STAT4: variants seen among roughly 807,000 people sequenced by gnomAD.
STAT4 encodes signal transducer and activator of transcription 4.
STAT4 carries 42 observed loss-of-function variants against 110.5 expected under a neutral mutation model. The observed-to-expected ratio is 0.38, with a 90% CI of 0.30 to 0.49. The LOEUF is 0.49. STAT4 is among the 20% of genes least tolerant of loss of function. The probability of loss-of-function intolerance (pLI) is 0.95; values close to 1 mark genes in which losing one functional copy is unlikely to be tolerated. For missense variants in STAT4, 632 were observed against 887.9 expected (o/e 0.71, Z 3.66); for synonymous variants, 284 against 302.2 (o/e 0.94, Z 0.63).
In STAT4 at chr2:191,113,440, T is replaced by C. The variant is rs1023627792; in HGVS notation, c.273+33173A>G. 1.3e-5 allele frequency among the ~76,000 whole-genome samples: 2 copies of C among 152,170 alleles called. No individual in the cohort carries two copies. The highest frequency in any genetic ancestry group is 4.8e-5 in the African/African-American group (2 of 41,436). Reference sequence around the variant, plus strand: ...AAAGCACTTTTTCAAATTTATTGGATTGAAGAGAAGGAAAAGTGCTGAATT... The same window carrying C: ...AAAGCACTTTTTCAAATTTATTGGACTGAAGAGAAGGAAAAGTGCTGAATT... On this transcript the variant is annotated intron_variant, in intron 3 of 23. Transcript: ENST00000392320. This position sits in a 1 kb window ranked among gnomAD's most constrained non-coding sequence, Gnocchi z 4.8.
At chr2:191,070,197 C>T (rs113347444) in intron 5 of STAT4, among the ~76,000 whole-genome samples, 79 of 152,180 alleles carry the variant, frequency 5.2e-4, no homozygotes, top group African/African-American at 1.8e-3. Context: ...TATGACAATT[C>T]AGCTTAAATA....
rs1699564353 is a variant in STAT4 at position 191,150,429 on chromosome 2, G to C, written c.-2+518C>G. Among the ~76,000 whole-genome samples the C allele has an allele frequency of 6.6e-6, 1 of 152,160 alleles. No individual in the cohort carries two copies. Among genetic ancestry groups the C allele is most frequent in the African/African-American group, 2.4e-5 (1 of 41,420 alleles). On this transcript the variant is annotated intron_variant, in intron 1 of 23. Transcript: ENST00000392320. The surrounding 1 kb of genome is among the most constrained non-coding windows in gnomAD (Gnocchi z 6.4). Reference sequence around the variant, plus strand: ...TTTCCTAGAAGATCCCACTAAAGGGGCATTTTGTCCCACCGTCTGTGAGCT... The same window carrying C: ...TTTCCTAGAAGATCCCACTAAAGGGCCATTTTGTCCCACCGTCTGTGAGCT...
At chr2:191,136,318 G>A (rs1173811822) in intron 3 of STAT4, among the ~76,000 whole-genome samples, 1 of 152,212 alleles carries the variant, frequency 6.6e-6, no homozygotes, top group Non-Finnish European at 1.5e-5. Flanking sequence ...TCTTTTCTCT[G>A]AGAGCTCTGA....
At chr2:191,115,930 T>C (rs1040570337) in intron 3 of STAT4, among the ~76,000 whole-genome samples, 7 of 152,204 alleles carry the variant, frequency 4.6e-5, no homozygotes, top group Non-Finnish European at 8.8e-5. Flanking sequence ...ACTATTCAAG[T>C]AGGGCTACTT....
chr2:191,095,275 T>G, intron 3 of STAT4, among the ~76,000 whole-genome samples: 1 of 152,326 alleles, frequency 6.6e-6, no homozygotes, highest in East Asian at 1.9e-4. Flanking sequence ...AACAGACATC[T>G]ACAGAACTCT....
chr2:191,052,005 G>A (rs1696538956), intron 14 of STAT4, among the ~76,000 whole-genome samples: 1 of 152,214 alleles, frequency 6.6e-6, no homozygotes, highest in Non-Finnish European at 1.5e-5. Flanking sequence ...GATTGTTGAA[G>A]ACATTCTTAG....
intron 3 of STAT4, among the ~76,000 whole-genome samples, chr2:191,131,339 G>A (rs1327249194): frequency 1.3e-5 from 2 of 151,772 alleles, no homozygotes; most frequent in East Asian, 3.8e-4. Flanking sequence ...ACAGTAGAAT[G>A]AATAAATTGT....
rs2125193220 is a variant in STAT4, at chr2:191,050,387, G to C, written c.1251+4103C>G. ...TCTTCCCAGGAGAGAATAGAGTGGA[G>C]AGAAAGGCAGTGATTGCTAAAGTTG... On this transcript the variant is annotated intron_variant, in intron 14 of 23. Coordinates refer to ENST00000392320, the MANE Select transcript of STAT4 (RefSeq NM_003151.4). This position sits in a 1 kb window ranked among gnomAD's most constrained non-coding sequence, Gnocchi z 4.3. Among the ~76,000 whole-genome samples, 1 of 152,308 alleles carries C rather than the reference G, an allele frequency of 6.6e-6. No homozygotes were observed. The highest frequency in any genetic ancestry group is 2.1e-4 in the South Asian group (1 of 4,826).
In STAT4 at chr2:191,086,822, AT is replaced by A. The variant is rs1697647931; in HGVS notation, c.274-10498del. The stretch of plus-strand genomic sequence containing the variant: ...AAGCTTCTCAAACTGAAGCTAGGCA[AT>A]TTAAACCTCAGGAGAAAATAACAGC... On this transcript the variant is annotated intron_variant, in intron 3 of 23. Transcript: ENST00000392320. The surrounding 1 kb of genome is among the most constrained non-coding windows in gnomAD (Gnocchi z 5.5). 6.6e-6 allele frequency among the ~76,000 whole-genome samples: 1 copy of A among 152,150 alleles called. No individual in the cohort carries two copies. Among genetic ancestry groups the A allele is most frequent in the Non-Finnish European group, 1.5e-5 (1 of 68,012 alleles).
Position 191,033,091 on chromosome 2 carries a change from T to C in STAT4, c.1911A>G (p.Pro637=). 1.2e-6 allele frequency: 2 copies of C among 1,614,222 alleles called. No individual in the cohort carries two copies. The highest frequency in any genetic ancestry group is 1.7e-6 in the Non-Finnish European group (2 of 1,180,042). ...PYNKGRLSAL[P]FADILRDYKV... is the part of the protein sequence containing the mutation. ...TGTAGTCTCGCAGGATGTCAGCGAA[T>C]GGCAGAGCAGACAACCGGCCTTTAT... The change falls in exon 21 of 24, where the codon CCA becomes CCG. Residue 637 remains proline (P), a synonymous_variant. Coordinates refer to ENST00000392320, the MANE Select transcript of STAT4 (RefSeq NM_003151.4). This position sits in a 1 kb window ranked among gnomAD's most constrained non-coding sequence, Gnocchi z 6.9.
At position 191,144,140 on chromosome 2, in the gene STAT4, A is replaced by AG. The variant is rs202240985; in HGVS notation, c.273+2472dup. On this transcript the variant is annotated intron_variant, in intron 3 of 23. Coordinates refer to ENST00000392320, the MANE Select transcript of STAT4 (RefSeq NM_003151.4). This position sits in a 1 kb window ranked among gnomAD's most constrained non-coding sequence, Gnocchi z 4.7. Reference sequence around the variant, plus strand: ...CCATATTGAGTACTGAGGGTGAGGGAGGGGGGTCAGAAAAGGAGATCAGCC... The same window carrying AG: ...CCATATTGAGTACTGAGGGTGAGGGAGGGGGGGTCAGAAAAGGAGATCAGCC... Among the ~76,000 whole-genome samples, 6 of 151,978 alleles carry AG rather than the reference A, an allele frequency of 3.9e-5. No homozygotes were observed. The highest frequency in any genetic ancestry group is 1.9e-4 in the East Asian group (1 of 5,172).
In STAT4 at chr2:191,033,387, A is replaced by G; in HGVS notation, c.1852+103T>C. 2 of 1,378,426 alleles carry G rather than the reference A, an allele frequency of 1.5e-6. No homozygotes were observed. Among genetic ancestry groups the G allele is most frequent in the South Asian group, 2.9e-5 (2 of 69,490 alleles). The allele number at this position is 1,378,426 out of a possible 1,614,324, so 85.4% of individuals were successfully genotyped here. On this transcript the variant is annotated intron_variant, in intron 20 of 23. Transcript: ENST00000392320. This position sits in a 1 kb window ranked among gnomAD's most constrained non-coding sequence, Gnocchi z 6.9. ...ACTAATATTCAAGCCCACTGAATAC[A>G]TCACAGACAGATCAACACACCATAC...
chr2:191,109,787 T>C (rs1698377072), intron 3 of STAT4, among the ~76,000 whole-genome samples: 1 of 152,208 alleles, frequency 6.6e-6, no homozygotes, highest in Admixed American at 6.5e-5. Context: ...GTTGGTTTTA[T>C]GTGATCATTT....
intron 3 of STAT4, among the ~76,000 whole-genome samples, chr2:191,078,457 A>T (rs1697373264): frequency 6.6e-6 from 1 of 152,072 alleles, no homozygotes; most frequent in Non-Finnish European, 1.5e-5. Context: ...TTCATCCAGG[A>T]TATCTTTTCA....
In STAT4 at chr2:191,135,830, C is replaced by CA. The variant is rs1286637121; in HGVS notation, c.273+10782dup. Among the ~76,000 whole-genome samples, 3 of 151,828 alleles carry CA rather than the reference C, an allele frequency of 2.0e-5. No homozygotes were observed. Among genetic ancestry groups the CA allele is most frequent in the African/African-American group, 7.3e-5 (3 of 41,352 alleles). ...AACACCAATTCTCCTCAAATTATTC[C>CA]AAAAAATTGAAGAGGAAGAAATTCT... On this transcript the variant is annotated intron_variant, in intron 3 of 23. Coordinates refer to ENST00000392320, the MANE Select transcript of STAT4 (RefSeq NM_003151.4). This position sits in a 1 kb window ranked among gnomAD's most constrained non-coding sequence, Gnocchi z 4.8.
intron 3 of STAT4, among the ~76,000 whole-genome samples, chr2:191,080,137 C>T (rs1278904820): frequency 6.6e-6 from 1 of 151,964 alleles, no homozygotes; most frequent in Non-Finnish European, 1.5e-5. Context: ...ATGCACTGAC[C>T]TTTATCTCTA....
chr2:191,093,607 T>A (rs2125314553), intron 3 of STAT4, among the ~76,000 whole-genome samples: 1 of 152,128 alleles, frequency 6.6e-6, no homozygotes, highest in African/African-American at 2.4e-5. Context: ...AAGATCAAAG[T>A]AGATAAAACC....
intron 3 of STAT4, 21 bp from the exon 4 acceptor site, chr2:191,076,346 CA>C: frequency 1.9e-6 from 3 of 1,549,426 alleles, no homozygotes; most frequent in Non-Finnish European, 2.6e-6. Context: ...AAACAATGAG[CA>C]AAAATAACTA....
At position 191,091,876 on chromosome 2, in the gene STAT4, G is replaced by A. The variant is rs1042804280; in HGVS notation, c.274-15551C>T. 6.6e-6 allele frequency among the ~76,000 whole-genome samples: 1 copy of A among 152,104 alleles called. No individual in the cohort carries two copies. Among genetic ancestry groups the A allele is most frequent in the Admixed American group, 6.5e-5 (1 of 15,270 alleles). ...AAGTTCATTGTCTCTAAGCTGAAGGGAGGAGAACTTGTCTTATAATATATT... is the reference window on the plus strand; with the variant it reads ...AAGTTCATTGTCTCTAAGCTGAAGGAAGGAGAACTTGTCTTATAATATATT... On this transcript the variant is annotated intron_variant, in intron 3 of 23. Coordinates refer to ENST00000392320, the MANE Select transcript of STAT4 (RefSeq NM_003151.4). The surrounding 1 kb of genome is among the most constrained non-coding windows in gnomAD (Gnocchi z 5.4).
Sources: gnomAD v4.1 joint callset for allele counts (sites outside exome capture counted in the v4.1 genomes callset) on GRCh38, gnomAD v4.1.1 for gene constraint, Gnocchi (gnomAD v3.1) non-coding constraint, MANE v1.5 for transcripts, NCBI Gene and HGNC (gene_info 2026-07-23, HGNC 2026-07-21) for gene names.